The following SUN3 variants were observed in gnomAD, a reference collection of about 807,000 sequenced individuals.
SUN3 encodes the protein SUN domain-containing protein 3.
In SUN3, 36 loss-of-function variants were observed where a neutral mutation model predicts 48.2. The observed-to-expected ratio is 0.75, with a 90% CI of 0.57 to 0.99. The LOEUF (loss-of-function observed/expected upper bound fraction) is 0.99, where lower values mean the gene tolerates loss of function less well. Ranked by LOEUF, SUN3 falls within the 50% of genes least tolerant of loss-of-function variation. SUN3 has a pLI of 0.00. For synonymous variants in SUN3, 148 were observed against 147.9 expected (o/e 1.00, Z 0.00); for missense variants, 419 against 433.1 (o/e 0.97, Z 0.29).
chr7:48,028,502 AAAAAAAG>A (rs1790197212), intron 1 of SUN3, among the ~76,000 whole-genome samples: 1 of 150,558 alleles, frequency 6.6e-6, no homozygotes, highest in African/African-American at 2.5e-5. Flanking sequence ...AAAAAAAAAA[AAAAAAAG>A]TGAATTATCT....
chr7:48,031,879 G>C (rs560181136), upstream of SUN3, among the ~76,000 whole-genome samples: 1 of 141,130 alleles, frequency 7.1e-6, no homozygotes, highest in African/African-American at 2.8e-5. Flanking sequence ...CGGTGGGTGT[G>C]TGGTGGTGGT....
At chr7:48,015,296 G>C (rs994908691) in intron 3 of SUN3, among the ~76,000 whole-genome samples, 2 of 152,170 alleles carry the variant, frequency 1.3e-5, no homozygotes, top group Non-Finnish European at 2.9e-5. Flanking sequence ...CTCTCTGTGG[G>C]GTTTCCAGGT....
chr7:48,020,494 G>C (rs1562612717), intron 2 of SUN3, among the ~76,000 whole-genome samples: 1 of 152,072 alleles, frequency 6.6e-6, no homozygotes, highest in Non-Finnish European at 1.5e-5. Flanking sequence ...AGAAATAAAA[G>C]GCATCCAAAC....
At chr7:47,988,207 A>G (rs1417314966) in intron 9 of SUN3, among the ~76,000 whole-genome samples, 1 of 152,180 alleles carries the variant, frequency 6.6e-6, no homozygotes, top group Non-Finnish European at 1.5e-5. Context: ...GTCATAAAAC[A>G]CTTGTTTTTA....
chr7:48,005,946 C>G, intron 6 of SUN3, 23 bp downstream of exon 6: 1 of 1,498,400 alleles, frequency 6.7e-7, no homozygotes, highest in Non-Finnish European at 9.1e-7. Context: ...TAATGTTCCT[C>G]TTTTCACTTT....
upstream of SUN3, among the ~76,000 whole-genome samples, chr7:48,031,832 G>GCACACACACACACACACACA (rs3073706): frequency 1.1e-4 from 16 of 142,270 alleles, no homozygotes; most frequent in African/African-American, 2.4e-4. Context: ...TGTGATTTAT[G>GCACACACACACACACACACA]CACACACACA....
chr7:48,006,006 G>C lies in SUN3; in HGVS notation c.540C>G (p.Asp180Glu). ...GGGCATAATCAGCCATCTCGACTTG[G>C]TCTTCTCTCAACTTTTTAAGTACAT... ...VNYVLKKLRE[D>E]QVEMADYALK... Residue 180 changes from aspartate (D) to glutamate (E), a missense_variant, in exon 6 of 10, where the codon GAC becomes GAG. By Grantham distance (45) the Asp-to-Glu change is conservative. Coordinates refer to ENST00000297325, the MANE Select transcript of SUN3 (RefSeq NM_001030019.2). The C allele has an allele frequency of 6.2e-7, 1 of 1,612,736 alleles. No individual in the cohort carries two copies. Among genetic ancestry groups the C allele is most frequent in the East Asian group, 2.2e-5 (1 of 44,818 alleles).
intron 9 of SUN3, 35 bp downstream of exon 9, chr7:47,988,753 G>A: frequency 1.5e-6 from 2 of 1,329,362 alleles, no homozygotes; most frequent in Non-Finnish European, 2.1e-6. Context: ...CCCAGTGATA[G>A]AGCTACTCAT....
chr7:48,008,116 G>T (rs1260769236), intron 4 of SUN3, among the ~76,000 whole-genome samples: 2 of 152,136 alleles, frequency 1.3e-5, no homozygotes, highest in African/African-American at 4.8e-5. Flanking sequence ...GAGCCACCAC[G>T]CCCGGCCAAG....
Position 48,008,446 on chromosome 7 carries a change from C to A in SUN3, c.329+589G>T, listed in dbSNP as rs142383188. On this transcript the variant is annotated intron_variant, in intron 4 of 9. Coordinates refer to ENST00000297325, the MANE Select transcript of SUN3 (RefSeq NM_001030019.2). ...AACTATTTTAAAATTATTTAAATGG[C>A]TTTATAATTCTTCATTTCATGAATA... Among the ~76,000 whole-genome samples, 234 of 152,254 alleles carry A rather than the reference C, an allele frequency of 1.5e-3. 2 individuals are homozygous for A. In the South Asian group the frequency reaches 0.017, roughly 11 times the overall value.
chr7:48,007,316 T>C lies in SUN3; in HGVS notation c.341A>G (p.Gln114Arg), dbSNP rs778725412. 6.2e-7 allele frequency: 1 copy of C among 1,613,768 alleles called. No individual in the cohort carries two copies. The highest frequency in any genetic ancestry group is 8.5e-7 in the Non-Finnish European group (1 of 1,179,732). Reference protein sequence around the residue: ...EQLELLKKESQNLENNFRQIL... With the variant: ...EQLELLKKESRNLENNFRQIL... ...TTGACGAAAATTGTTTTCCAGATTCTGGCTTTCCTTCCTGTAAAGGGAAAA... is the reference window on the plus strand; with the variant it reads ...TTGACGAAAATTGTTTTCCAGATTCCGGCTTTCCTTCCTGTAAAGGGAAAA... Residue 114 changes from glutamine (Q) to arginine (R), a missense_variant, in exon 5 of 10, where the codon CAG (glutamine) becomes CGG (arginine). Physicochemically the swap from Gln to Arg is conservative, Grantham distance 43. Coordinates refer to ENST00000297325, the MANE Select transcript of SUN3 (RefSeq NM_001030019.2).
intron 6 of SUN3, among the ~76,000 whole-genome samples, chr7:48,005,298 TCA>T (rs1276773985): frequency 1.3e-5 from 2 of 152,188 alleles, no homozygotes; most frequent in Non-Finnish European, 2.9e-5. Context: ...AAACACATGC[TCA>T]CAAGACTGAG....
At chr7:48,003,853 C>T (rs143282256) in intron 6 of SUN3, among the ~76,000 whole-genome samples, 18 of 152,286 alleles carry the variant, frequency 1.2e-4, no homozygotes, top group African/African-American at 4.3e-4. Context: ...TGTCTGCAAA[C>T]AGGGATAGTT....
intron 3 of SUN3, among the ~76,000 whole-genome samples, chr7:48,016,367 A>T (rs1789813447): frequency 1.3e-5 from 2 of 152,304 alleles, no homozygotes; most frequent in African/African-American, 2.4e-5. Flanking sequence ...TGCGTGAATT[A>T]TTCTTTCTCC....
chr7:47,991,011 G>A (rs1459897500), intron 8 of SUN3: 5 of 455,648 alleles, frequency 1.1e-5, no homozygotes, highest in South Asian at 4.6e-5. Context: ...ACTACTTACC[G>A]CCTGTATAAC....
At position 48,025,071 on chromosome 7, in the gene SUN3, T is replaced by C. The variant is rs771725802; in HGVS notation, c.184+806A>G. ...ATTCCTATGTATATACTTGAAAGAA[T>C]TGAGAACAGGTGTTCAAATAAGCAC... On this transcript the variant is annotated intron_variant, in intron 2 of 9. Coordinates refer to ENST00000297325, the MANE Select transcript of SUN3 (RefSeq NM_001030019.2). Among the ~76,000 whole-genome samples the C allele has an allele frequency of 4.0e-4, 61 of 152,112 alleles. 2 individuals are homozygous for C. The highest frequency in any genetic ancestry group is 7.4e-5 in the Non-Finnish European group (5 of 68,014).
At chr7:48,008,638 A>G (rs1319629039) in intron 4 of SUN3, among the ~76,000 whole-genome samples, 1 of 152,210 alleles carries the variant, frequency 6.6e-6, no homozygotes, top group East Asian at 1.9e-4. Flanking sequence ...AGTACTACAA[A>G]TGTTACTGTT....
chr7:47,997,011 A>G (rs1789232179), intron 6 of SUN3, among the ~76,000 whole-genome samples: 1 of 152,100 alleles, frequency 6.6e-6, no homozygotes, highest in Non-Finnish European at 1.5e-5. Context: ...CATGTTGGCC[A>G]GGATGGTCTC....
At chr7:48,004,792 G>GA (rs1789478265) in intron 6 of SUN3, among the ~76,000 whole-genome samples, 1 of 152,138 alleles carries the variant, frequency 6.6e-6, no homozygotes, top group Admixed American at 6.5e-5. Flanking sequence ...GAAAAGAAAA[G>GA]AAAAAAGGAA....
Sources: allele counts gnomAD v4.1 joint callset (sites outside exome capture counted in the v4.1 genomes callset), GRCh38; gene constraint gnomAD v4.1.1; transcripts MANE v1.5; gene names NCBI Gene and HGNC (gene_info 2026-07-23, HGNC 2026-07-21).